The following LRRC42 variants were observed in gnomAD, a reference collection of about 807,000 sequenced individuals.
The protein encoded by LRRC42 is leucine-rich repeat-containing protein 42.
A neutral mutation model predicts 44.3 loss-of-function variants in LRRC42; 43 were observed. The ratio of observed to expected loss-of-function variants is 0.97; its 90% CI spans 0.76 to 1.25. The LOEUF (loss-of-function observed/expected upper bound fraction) is 1.25, where lower values mean the gene tolerates loss of function less well. LRRC42 is among the 50% of genes most tolerant of loss of function. The probability of loss-of-function intolerance (pLI) is 0.00; values close to 1 mark genes in which losing one functional copy is unlikely to be tolerated. For synonymous variants in LRRC42, 207 were observed against 195.2 expected (o/e 1.06, Z -0.50); for missense variants, 540 against 509.1 (o/e 1.06, Z -0.58).
At chr1:53,950,417 C>T (rs1035502986) in intron 2 of LRRC42, among the ~76,000 whole-genome samples, 4 of 152,204 alleles carry the variant, frequency 2.6e-5, no homozygotes, top group African/African-American at 9.7e-5. Flanking sequence ...CATAATTATC[C>T]TTGAGAGAAA....
Position 53,946,539 on chromosome 1 carries a change from CAGGGGCACAG to C in LRRC42, c.-58_-49del, listed in dbSNP as rs1557641918. On this transcript the variant is annotated splice_region_variant and 5_prime_UTR_variant, in exon 1 of 9. Transcript: ENST00000371370. ...AGGAGCTGCCGCTCGCTGCCCCGGG[CAGGGGCACAG>C]GTAGGTGGCGGCCGCGGGCCGGGCC... 2 of 151,612 alleles carry C rather than the reference CAGGGGCACAG, an allele frequency of 1.3e-5. No homozygotes were observed. The highest frequency in any genetic ancestry group is 2.9e-5 in the Non-Finnish European group (2 of 67,890). 9.4% of individuals were successfully genotyped at this position (151,612 alleles called of 1,614,324 possible). A position where few individuals can be genotyped will look rare whatever the true frequency, so the allele number is the denominator to read the frequency against.
Position 53,961,641 on chromosome 1 carries a change from A to C in LRRC42, c.725-393A>C, listed in dbSNP as rs535968884. Among the ~76,000 whole-genome samples, 11 of 152,360 alleles carry C rather than the reference A, an allele frequency of 7.2e-5. No homozygotes were observed. The South Asian group carries it at 2.1e-3, about 29-fold the overall frequency. ...AGTATCTGTGTCTAAGTTCCCTTGA[A>C]TATCTTTTTAAAATAAATAAATGCT... On this transcript the variant is annotated intron_variant, in intron 5 of 8. Coordinates refer to ENST00000371370, the MANE Select transcript of LRRC42 (RefSeq NM_001256409.2).
Position 53,952,067 on chromosome 1 carries a change from A to G in LRRC42, c.68A>G (p.Gln23Arg). 6.2e-7 allele frequency: 1 copy of G among 1,614,244 alleles called. No homozygotes were observed. Among genetic ancestry groups the G allele is most frequent in the Non-Finnish European group, 8.5e-7 (1 of 1,180,042 alleles). The change falls in exon 3 of 9, where the codon CAG (glutamine) becomes CGG (arginine). Residue 23 changes from glutamine to arginine, a missense_variant. Coordinates refer to ENST00000371370, the MANE Select transcript of LRRC42 (RefSeq NM_001256409.2). ...PGPIYMRENG[Q>R]LHMVNLALDG... is the part of the protein sequence containing the mutation. ...CCCATCTACATGCGAGAAAATGGGC[A>G]GCTGCACATGGTCAATCTGGCTCTG...
In LRRC42 at chr1:53,952,203, G is replaced by A. The variant is rs770076706; in HGVS notation, c.204G>A (p.Lys68=). ...NREDDTARKE[K]TDHFIFTYTR... The stretch of plus-strand genomic sequence containing the variant: ...AAGACGACACTGCACGGAAAGAGAA[G>A]ACTGATCATTTCATCTTCACATACA... The change falls in exon 3 of 9, where the codon AAG becomes AAA. Residue 68 remains lysine, a synonymous_variant. Coordinates refer to ENST00000371370, the MANE Select transcript of LRRC42 (RefSeq NM_001256409.2). 1 of 1,614,120 alleles carries A rather than the reference G, an allele frequency of 6.2e-7. No individual in the cohort carries two copies. Among genetic ancestry groups the A allele is most frequent in the African/African-American group, 1.3e-5 (1 of 74,944 alleles).
intron 6 of LRRC42, 29 bp from the exon 7 acceptor site, chr1:53,962,267 G>T (rs1655016966): frequency 1.3e-6 from 2 of 1,547,632 alleles, no homozygotes; most frequent in South Asian, 1.1e-5. Context: ...AAATGTATTT[G>T]CATTTCTGAT....
rs752065781 is a variant in LRRC42, at chr1:53,967,733, G to A, written c.1081G>A (p.Glu361Lys). ...PLADTHMNSS[E>K]KLQFYKEKAP... Reference sequence around the variant, plus strand: ...GGCAGACACCCACATGAACTCTTCCGAGAAACTCCAGTTCTATAAAGAGAA... The same window carrying A: ...GGCAGACACCCACATGAACTCTTCCAAGAAACTCCAGTTCTATAAAGAGAA... Residue 361 changes from glutamate to lysine, a missense_variant, in exon 9 of 9, where the codon GAG (glutamate) becomes AAG (lysine). Glu to Lys is a moderately conservative substitution (Grantham distance 56). Transcript: ENST00000371370. 4.3e-6 allele frequency: 7 copies of A among 1,614,108 alleles called. No individual in the cohort carries two copies. The highest frequency in any genetic ancestry group is 1.3e-5 in the African/African-American group (1 of 75,014).
At chr1:53,957,857 C>G (rs1290933429) in intron 3 of LRRC42, among the ~76,000 whole-genome samples, 2 of 152,160 alleles carry the variant, frequency 1.3e-5, no homozygotes, top group Non-Finnish European at 2.9e-5. Context: ...CAAGGTCTGC[C>G]TGATAACAAA....
intron 5 of LRRC42, among the ~76,000 whole-genome samples, chr1:53,961,379 C>T (rs760728831): frequency 6.6e-6 from 1 of 151,920 alleles, no homozygotes; most frequent in Non-Finnish European, 1.5e-5. Context: ...GTCACTCACT[C>T]CAGCCTGGGT....
In LRRC42 at chr1:53,953,445, C is replaced by T. The variant is rs192752054; in HGVS notation, c.473+973C>T. Among the ~76,000 whole-genome samples the T allele has an allele frequency of 3.7e-4, 57 of 152,252 alleles. No individual in the cohort carries two copies. The East Asian group carries it at 9.8e-3, about 26-fold the overall frequency. ...ACGATCTCAGCTCTCACTGCAACCT[C>T]CAACTGCCTGGTTCAAGCAATTCGC... On this transcript the variant is annotated intron_variant, in intron 3 of 8. Transcript: ENST00000371370.
At chr1:53,949,452 C>T (rs966725442) in intron 2 of LRRC42, among the ~76,000 whole-genome samples, 14 of 152,184 alleles carry the variant, frequency 9.2e-5, no homozygotes, top group South Asian at 2.1e-4. Flanking sequence ...GTTAAAATCA[C>T]GTCAGTCCTT....
intron 1 of LRRC42, among the ~76,000 whole-genome samples, chr1:53,947,246 G>A (rs911162212): frequency 1.3e-5 from 2 of 152,012 alleles, no homozygotes; most frequent in African/African-American, 4.8e-5. Flanking sequence ...AGGTTGAAAG[G>A]GGCAGGAGAG....
At chr1:53,958,859 T>TA (rs1166528920) in intron 4 of LRRC42, among the ~76,000 whole-genome samples, 3 of 151,458 alleles carry the variant, frequency 2.0e-5, no homozygotes, top group African/African-American at 7.3e-5. Context: ...GTGCTGGGAT[T>TA]ACAGGCGTCA....
intron 3 of LRRC42, among the ~76,000 whole-genome samples, chr1:53,957,677 TATGTTCTTGGGG>T (rs920981545): frequency 4.6e-5 from 7 of 152,250 alleles, no homozygotes; most frequent in Admixed American, 4.6e-4. Flanking sequence ...TATCTCTTGG[TATGTTCTTGGGG>T]ACATGCAGAT....
At chr1:53,958,389 T>C (rs1001551588) in intron 4 of LRRC42, 109 bp downstream of exon 4, 14 of 1,412,270 alleles carry the variant, frequency 9.9e-6, no homozygotes, top group Middle Eastern at 4.9e-4. Flanking sequence ...TTATGTTGAT[T>C]TGCTTTTTTT....
Position 53,966,298 on chromosome 1 carries a change from C to T in LRRC42, c.930C>T (p.Ile310=), listed in dbSNP as rs372052852. Residue 310 remains isoleucine (I), a splice_region_variant and synonymous_variant, in exon 8 of 9, where the codon ATC becomes ATT. Transcript: ENST00000371370. ...AAATCTTTCCAAATATGTTTCAGAT[C>T]GTTCTGCAGTGGGAGCGTGTGACTG... The part of the protein sequence containing the change: ...NCKTEGWADQ[I]VLQWERVTAE... 2.2e-4 allele frequency: 355 copies of T among 1,610,362 alleles called. No homozygotes were observed. The highest frequency in any genetic ancestry group is 1.5e-3 in the Middle Eastern group (9 of 6,054).
intron 3 of LRRC42, among the ~76,000 whole-genome samples, chr1:53,955,692 G>C (rs991456618): frequency 4.1e-5 from 6 of 146,006 alleles, no homozygotes; most frequent in African/African-American, 1.5e-4. Context: ...GCAGTGGCTC[G>C]ATCTCAGCTC....
chr1:53,955,253 T>G (rs1462011352), intron 3 of LRRC42, among the ~76,000 whole-genome samples: 1 of 152,158 alleles, frequency 6.6e-6, no homozygotes, highest in East Asian at 1.9e-4. Context: ...TATCAGAAAA[T>G]GTAAGAAACA....
chr1:53,947,275 G>A (rs182741901), intron 1 of LRRC42, among the ~76,000 whole-genome samples: 45 of 152,154 alleles, frequency 3.0e-4, no homozygotes, highest in African/African-American at 1.1e-3. Context: ...GGCGAAGGGA[G>A]TGGGGTTAGG....
chr1:53,967,764 CAGATTGCCATGGGCCAGTGTTGAA>C lies in LRRC42; in HGVS notation c.1114_1137del (p.Asp372_Lys379del). The C allele has an allele frequency of 6.2e-7, 1 of 1,614,144 alleles. No individual in the cohort carries two copies. The highest frequency in any genetic ancestry group is 1.1e-5 in the South Asian group (1 of 91,082). ...CTCCAGTTCTATAAAGAGAAAGCCC[CAGATTGCCATGGGCCAGTGTTGAA>C]ACACGAAGCTATCTCAAGCCAGGAG... On this transcript the variant is annotated inframe_deletion, in exon 9 of 9. Coordinates refer to ENST00000371370, the MANE Select transcript of LRRC42 (RefSeq NM_001256409.2).
Sources: gnomAD v4.1 joint callset for allele counts (sites outside exome capture counted in the v4.1 genomes callset) on GRCh38, gnomAD v4.1.1 for gene constraint, MANE v1.5 for transcripts, NCBI Gene and HGNC (gene_info 2026-07-23, HGNC 2026-07-21) for gene names.